The following SSH2 variants were observed in gnomAD, a reference collection of about 807,000 sequenced individuals.
SSH2 encodes the protein slingshot protein phosphatase 2, also known as protein phosphatase Slingshot homolog 2.
Under a neutral mutation model 135.2 loss-of-function variants are expected in SSH2, and 37 were observed. That is an observed-to-expected ratio of 0.27 (90% CI 0.21 to 0.36). The LOEUF (loss-of-function observed/expected upper bound fraction) is 0.36, where lower values mean the gene tolerates loss of function less well. SSH2 is among the 10% of genes least tolerant of loss of function. SSH2 has a pLI of 1.00. For synonymous variants in SSH2, 628 were observed against 646.2 expected (o/e 0.97, Z 0.43); for missense variants, 1,408 against 1,765.3 (o/e 0.80, Z 3.63).
intron 1 of SSH2, among the ~76,000 whole-genome samples, chr17:29,849,940 G>T (rs1173501916): frequency 7.0e-6 from 1 of 143,502 alleles, no homozygotes; most frequent in Non-Finnish European, 1.5e-5. Context: ...TGAGGCAGGA[G>T]AATCGCATGA....
intron 2 of SSH2, among the ~76,000 whole-genome samples, chr17:29,836,076 G>T (rs886461079): frequency 6.6e-6 from 1 of 151,750 alleles, no homozygotes; most frequent in Non-Finnish European, 1.5e-5. Context: ...ATTTGGTACA[G>T]TGTCATGGTA....
At chr17:29,720,988 G>A (rs2039804298) in intron 3 of SSH2, among the ~76,000 whole-genome samples, 2 of 152,104 alleles carry the variant, frequency 1.3e-5, no homozygotes, top group Non-Finnish European at 2.9e-5. Context: ...CTGGTTTCTT[G>A]CAAATTTAAT....
intron 2 of SSH2, among the ~76,000 whole-genome samples, chr17:29,799,876 C>A (rs781666940): frequency 6.6e-6 from 1 of 152,152 alleles, no homozygotes; most frequent in African/African-American, 2.4e-5. Context: ...AGGATTTGAA[C>A]GTGGGTCTAT....
chr17:29,696,174 T>TATACACACAC (rs1436986713), intron 4 of SSH2, among the ~76,000 whole-genome samples: 4 of 137,126 alleles, frequency 2.9e-5, no homozygotes, highest in African/African-American at 1.1e-4. Flanking sequence ...TGTATATATA[T>TATACACACAC]ACACACACAC....
At chr17:29,780,875 C>T (rs1030107290) in intron 3 of SSH2, among the ~76,000 whole-genome samples, 11 of 151,984 alleles carry the variant, frequency 7.2e-5, no homozygotes, top group South Asian at 2.1e-4. Flanking sequence ...TGCAGTGGCA[C>T]GATCTCGGCT....
At chr17:29,686,237 T>C (rs557389763) in intron 5 of SSH2, among the ~76,000 whole-genome samples, 1 of 152,314 alleles carries the variant, frequency 6.6e-6, no homozygotes, top group East Asian at 1.9e-4. Context: ...ATATATTATA[T>C]ATACAATAAC....
At chr17:29,829,807 CT>C (rs1445334978) in intron 2 of SSH2, among the ~76,000 whole-genome samples, 1 of 149,972 alleles carries the variant, frequency 6.7e-6, no homozygotes, top group Non-Finnish European at 1.5e-5. Flanking sequence ...TCTTCAGTGG[CT>C]TTTTGTTGTC....
At chr17:29,881,501 T>A (rs1165683591) in intron 1 of SSH2, among the ~76,000 whole-genome samples, 1 of 152,040 alleles carries the variant, frequency 6.6e-6, no homozygotes, top group Non-Finnish European at 1.5e-5. Flanking sequence ...TCTCTCTTTC[T>A]CTTTCTTTCT....
intron 4 of SSH2, among the ~76,000 whole-genome samples, chr17:29,702,609 C>G (rs1027391547): frequency 6.6e-6 from 1 of 152,108 alleles, no homozygotes; most frequent in East Asian, 1.9e-4. Context: ...GATCTGGGAT[C>G]GTGCCACTGC....
At chr17:29,784,301 C>G (rs2041911514) in intron 3 of SSH2, among the ~76,000 whole-genome samples, 1 of 151,536 alleles carries the variant, frequency 6.6e-6, no homozygotes, top group African/African-American at 2.4e-5. Context: ...AGGAGAATCA[C>G]GTGAACCTGG....
intron 3 of SSH2, among the ~76,000 whole-genome samples, chr17:29,761,871 GTA>G (rs1194445461): frequency 1.0e-5 from 1 of 98,738 alleles, no homozygotes; most frequent in African/African-American, 4.3e-5. Context: ...GTGTGTGTGT[GTA>G]TATATATATA....
At position 29,631,830 on chromosome 17, in the gene SSH2, AGGTT is replaced by A; in HGVS notation, c.3360_3363del (p.Thr1121ProfsTer3). 6.2e-7 allele frequency: 1 copy of A among 1,614,086 alleles called. No homozygotes were observed. The highest frequency in any genetic ancestry group is 8.5e-7 in the Non-Finnish European group (1 of 1,180,010). ...CTGTCTTCAGGGCTACTCAGGATGG[AGGTT>A]GGATGGTCAGTGGGTCTGTTGTGCT... On this transcript the variant is annotated frameshift_variant, in exon 16 of 16. Coordinates refer to ENST00000540801, the MANE Select transcript of SSH2 (RefSeq NM_001282129.2). LOFTEE classifies it high-confidence loss of function.
intron 4 of SSH2, among the ~76,000 whole-genome samples, chr17:29,701,942 G>A (rs984319546): frequency 3.5e-5 from 5 of 141,052 alleles, no homozygotes; most frequent in Admixed American, 7.7e-5. Flanking sequence ...TGCCCAGGCC[G>A]GTCTCAAAGT....
intron 1 of SSH2, chr17:29,925,507 C>T (rs945069344): frequency 4.3e-5 from 17 of 398,292 alleles, no homozygotes; most frequent in Admixed American, 1.8e-4. Flanking sequence ...CTTGACGCCA[C>T]GAGTTCAAGA....
chr17:29,896,486 T>C (rs2066447492), intron 1 of SSH2, among the ~76,000 whole-genome samples: 1 of 149,818 alleles, frequency 6.7e-6, no homozygotes, highest in African/African-American at 2.4e-5. Context: ...TACTATGCCA[T>C]GTTATAACAG....
intron 3 of SSH2, among the ~76,000 whole-genome samples, chr17:29,773,360 C>G (rs1233519375): frequency 6.6e-6 from 1 of 152,114 alleles, no homozygotes; most frequent in African/African-American, 2.4e-5. Context: ...ATATTTAAAA[C>G]TCATATACAT....
intron 15 of SSH2, among the ~76,000 whole-genome samples, chr17:29,635,497 T>G (rs568713334): frequency 1.3e-5 from 2 of 152,068 alleles, no homozygotes; most frequent in South Asian, 2.1e-4. Context: ...CTCCGCCTCC[T>G]GGGTTCACAC....
intron 1 of SSH2, among the ~76,000 whole-genome samples, chr17:29,926,323 G>C (rs2067064012): frequency 6.6e-6 from 1 of 151,268 alleles, no homozygotes; most frequent in Non-Finnish European, 1.5e-5. Context: ...CAGACGGCTT[G>C]AGCCCAGGAG....
At chr17:29,882,691 G>A (rs1258723438) in intron 1 of SSH2, among the ~76,000 whole-genome samples, 1 of 152,154 alleles carries the variant, frequency 6.6e-6, no homozygotes, top group Non-Finnish European at 1.5e-5. Context: ...GGTGGAGGTT[G>A]CAGTGAGCTG....
Sources: gnomAD v4.1 joint callset for allele counts (sites outside exome capture counted in the v4.1 genomes callset) on GRCh38, gnomAD v4.1.1 for gene constraint, MANE v1.5 for transcripts, NCBI Gene and HGNC (gene_info 2026-07-23, HGNC 2026-07-21) for gene names.